Variants in KIN observed in about 807,000 individuals in gnomAD.
KIN encodes the protein Kin17 DNA and RNA binding protein, also known as DNA/RNA-binding protein KIN17.
A neutral mutation model predicts 63.0 loss-of-function variants in KIN; 47 were observed. The ratio of observed to expected loss-of-function variants is 0.75; its 90% CI spans 0.59 to 0.95. The LOEUF (loss-of-function observed/expected upper bound fraction) is 0.95, where lower values mean the gene tolerates loss of function less well. Ranked by LOEUF, KIN falls within the 40% of genes least tolerant of loss-of-function variation. KIN has a pLI of 0.00. For synonymous variants in KIN, 160 were observed against 157.7 expected (o/e 1.01, Z -0.11); for missense variants, 408 against 460.9 (o/e 0.89, Z 1.05).
intron 7 of KIN, among the ~76,000 whole-genome samples, chr10:7,771,908 A>G (rs575604610): frequency 5.3e-5 from 8 of 151,846 alleles, no homozygotes; most frequent in South Asian, 2.1e-4. Context: ...AAAAAAAAAA[A>G]AAAGAAAGAA....
chr10:7,787,656 G>A (rs1484406537), intron 1 of KIN, among the ~76,000 whole-genome samples, 164 bp downstream of exon 1: 1 of 152,204 alleles, frequency 6.6e-6, no homozygotes, highest in African/African-American at 2.4e-5. Flanking sequence ...GGGAGGGACG[G>A]CTCTCGTGCG....
chr10:7,774,413 C>A (rs1835726919), intron 7 of KIN, among the ~76,000 whole-genome samples: 1 of 152,114 alleles, frequency 6.6e-6, no homozygotes, highest in Non-Finnish European at 1.5e-5. Flanking sequence ...GAATAAGGAA[C>A]CGTTAAATGG....
rs752795151 is a variant in KIN at position 7,783,093 on chromosome 10, T to C, written c.197A>G (p.Asp66Gly). Residue 66 changes from aspartate (D) to glycine (G), a missense_variant, in exon 2 of 13, where the codon GAT becomes GGT. By Grantham distance (94) the Asp-to-Gly change is moderately conservative. Transcript: ENST00000379562. ...LASENPQQFM[D>G]YFSEEFRNDF... Reference sequence around the variant, plus strand: ...TTGAGTTACTTACTCTGAAAAATAATCCATAAACTGCTGAGGATTTTCTGA... The same window carrying C: ...TTGAGTTACTTACTCTGAAAAATAACCCATAAACTGCTGAGGATTTTCTGA... 1 of 1,589,498 alleles carries C rather than the reference T, an allele frequency of 6.3e-7. No homozygotes were observed. The highest frequency in any genetic ancestry group is 8.6e-7 in the Non-Finnish European group (1 of 1,163,576).
chr10:7,781,931 G>GC (rs1383604913), intron 2 of KIN, among the ~76,000 whole-genome samples: 4 of 151,874 alleles, frequency 2.6e-5, no homozygotes, highest in Admixed American at 2.6e-4. Context: ...GGTGGCGCAT[G>GC]CCTGTAATCC....
At chr10:7,767,288 T>G (rs1835566279) in intron 8 of KIN, among the ~76,000 whole-genome samples, 1 of 152,210 alleles carries the variant, frequency 6.6e-6, no homozygotes, top group East Asian at 1.9e-4. Context: ...CCTGTCTAGG[T>G]ACCGTTCACA....
chr10:7,758,316 C>T (rs180700173), intron 12 of KIN, among the ~76,000 whole-genome samples: 6 of 152,134 alleles, frequency 3.9e-5, no homozygotes, highest in African/African-American at 1.2e-4. Context: ...GTGATTCGTC[C>T]GCCTCAGCCT....
intron 1 of KIN, among the ~76,000 whole-genome samples, chr10:7,787,362 A>C (rs1233238850): frequency 6.6e-6 from 1 of 152,198 alleles, no homozygotes; most frequent in Non-Finnish European, 1.5e-5. Context: ...GTAGGTGCTC[A>C]ATAAATGCTT....
chr10:7,781,565 C>A (rs1209380566), intron 2 of KIN, among the ~76,000 whole-genome samples: 4 of 145,250 alleles, frequency 2.8e-5, no homozygotes, highest in African/African-American at 1.0e-4. Flanking sequence ...CCAGCCTGGG[C>A]AACAAAGTGA....
intron 12 of KIN, 95 bp downstream of exon 12, chr10:7,759,794 AC>A: frequency 1.5e-6 from 1 of 668,958 alleles, no homozygotes; most frequent in South Asian, 1.8e-5. Context: ...CTAACAAAAA[AC>A]TCAAATTCTA....
chr10:7,759,746 A>C (rs1835401546), intron 12 of KIN, 144 bp downstream of exon 12: 1 of 490,006 alleles, frequency 2.0e-6, no homozygotes, highest in Admixed American at 4.1e-5. Context: ...GAGTCACTGG[A>C]GAAAATAAGC....
chr10:7,781,943 A>G (rs1835905647), intron 2 of KIN, among the ~76,000 whole-genome samples: 1 of 152,048 alleles, frequency 6.6e-6, no homozygotes, highest in Non-Finnish European at 1.5e-5. Context: ...CTGTAATCCC[A>G]GCTACTTGGG....
intron 7 of KIN, among the ~76,000 whole-genome samples, chr10:7,774,423 GAGA>G (rs1835727187): frequency 6.6e-6 from 1 of 152,196 alleles, no homozygotes; most frequent in Non-Finnish European, 1.5e-5. Context: ...CCGTTAAATG[GAGA>G]AGGATTCATG....
chr10:7,766,136 C>T (rs1459865844), intron 8 of KIN, 33 bp from the exon 9 acceptor site: 1 of 1,467,366 alleles, frequency 6.8e-7, no homozygotes, highest in African/African-American at 1.4e-5. Context: ...AATTATCTCC[C>T]TAAAATCCTC....
At chr10:7,767,865 C>CAAA (rs59238687) in intron 8 of KIN, among the ~76,000 whole-genome samples, 3 of 69,076 alleles carry the variant, frequency 4.3e-5, no homozygotes, top group Admixed American at 1.6e-4. Flanking sequence ...GACTCCGTCT[C>CAAA]AAAAAAAAAA....
rs945703582 is a variant in KIN at position 7,754,961 on chromosome 10, G to T, written c.*1119C>A. On this transcript the variant is annotated 3_prime_UTR_variant, in exon 13 of 13. Coordinates refer to ENST00000379562, the MANE Select transcript of KIN (RefSeq NM_012311.4). ...CTGTATGGTTAGGCAGGGTGCTGTG[G>T]CTCACACCTGCAATCCTAGCACTTT... The T allele has an allele frequency of 6.6e-6, 1 of 152,294 alleles. No individual in the cohort carries two copies. The highest frequency in any genetic ancestry group is 1.5e-5 in the Non-Finnish European group (1 of 68,168). The allele number at this position is 152,294 out of a possible 1,614,324, so 9.4% of individuals were successfully genotyped here.
intron 7 of KIN, among the ~76,000 whole-genome samples, chr10:7,772,524 T>C (rs1324602463): frequency 1.3e-5 from 2 of 152,210 alleles, no homozygotes; most frequent in African/African-American, 4.8e-5. Flanking sequence ...TGCCTCAACA[T>C]AGCCTAAAAT....
At chr10:7,771,127 G>C (rs1354862997) in intron 7 of KIN, among the ~76,000 whole-genome samples, 2 of 97,740 alleles carry the variant, frequency 2.0e-5, no homozygotes, top group African/African-American at 7.7e-5. Context: ...CATGGGTTTT[G>C]AACAGGCCAA....
Position 7,778,969 on chromosome 10 carries a change from C to G in KIN, c.427G>C (p.Asp143His), listed in dbSNP as rs966939177. Residue 143 changes from aspartate to histidine, a missense_variant, in exon 5 of 13, where the codon GAC (aspartate) becomes CAC (histidine). Physicochemically the swap from Asp to His is moderately conservative, Grantham distance 81. Coordinates refer to ENST00000379562, the MANE Select transcript of KIN (RefSeq NM_012311.4). ...CGGCGGATAGTTTCTGGGTCCCTGTCTATGTACTGAATATACCAGCCTTTT... is the reference window on the plus strand; with the variant it reads ...CGGCGGATAGTTTCTGGGTCCCTGTGTATGTACTGAATATACCAGCCTTTT... Reference protein sequence around the residue: ...TPKGWYIQYIDRDPETIRRQL... With the variant: ...TPKGWYIQYIHRDPETIRRQL... 2 of 1,613,884 alleles carry G rather than the reference C, an allele frequency of 1.2e-6. No individual in the cohort carries two copies. Among genetic ancestry groups the G allele is most frequent in the Non-Finnish European group, 1.7e-6 (2 of 1,180,018 alleles).
intron 8 of KIN, among the ~76,000 whole-genome samples, chr10:7,767,848 A>G (rs1373910607): frequency 2.1e-5 from 3 of 144,454 alleles, no homozygotes; most frequent in Non-Finnish European, 3.0e-5. Flanking sequence ...GACAGAACAC[A>G]GAGCAGGACT....
Sources: gnomAD v4.1 joint callset for allele counts (sites outside exome capture counted in the v4.1 genomes callset) on GRCh38, gnomAD v4.1.1 for gene constraint, MANE v1.5 for transcripts, NCBI Gene and HGNC (gene_info 2026-07-23, HGNC 2026-07-21) for gene names.